The following SHOC2 variants were observed in gnomAD, a reference collection of about 807,000 sequenced individuals.
The protein encoded by SHOC2 is leucine-rich repeat protein SHOC-2.
A neutral mutation model predicts 50.2 loss-of-function variants in SHOC2; 4 were observed. The observed-to-expected ratio is 0.08, with a 90% CI of 0.04 to 0.18. The LOEUF (loss-of-function observed/expected upper bound fraction) is 0.18, where lower values mean the gene tolerates loss of function less well. Ranked by LOEUF, SHOC2 falls within the 10% of genes least tolerant of loss-of-function variation. The pLI, the probability that SHOC2 is intolerant of heterozygous loss-of-function variation, is 1.00. For synonymous variants in SHOC2, 218 were observed against 244.5 expected (o/e 0.89, Z 1.01); for missense variants, 388 against 669.6 (o/e 0.58, Z 4.64).
intron 1 of SHOC2, among the ~76,000 whole-genome samples, chr10:110,959,708 C>G (rs1292175329): frequency 6.6e-6 from 1 of 152,174 alleles, no homozygotes; most frequent in Non-Finnish European, 1.5e-5. Flanking sequence ...CCAGATGATT[C>G]TTGCTGAAAA....
intron 2 of SHOC2, among the ~76,000 whole-genome samples, chr10:110,979,960 A>G (rs989363367): frequency 5.3e-5 from 8 of 152,168 alleles, no homozygotes; most frequent in African/African-American, 1.9e-4. Context: ...GTTTGTTACT[A>G]GTTTGCCCAA....
intron 4 of SHOC2, 62 bp downstream of exon 4, chr10:111,000,607 C>T: frequency 7.0e-7 from 1 of 1,438,372 alleles, no homozygotes; most frequent in Non-Finnish European, 9.7e-7. Flanking sequence ...TCAAGGAAAG[C>T]TAGTAAATCT....
intron 1 of SHOC2, among the ~76,000 whole-genome samples, chr10:110,926,010 T>C (rs1243699382): frequency 2.6e-5 from 4 of 152,210 alleles, no homozygotes; most frequent in African/African-American, 9.7e-5. Flanking sequence ...TAAAACTATC[T>C]GGTGTCATCG....
intron 1 of SHOC2, among the ~76,000 whole-genome samples, chr10:110,954,356 G>C (rs1352429218): frequency 6.6e-6 from 1 of 152,054 alleles, no homozygotes; most frequent in East Asian, 1.9e-4. Flanking sequence ...AGAAGACTTG[G>C]TCATCTAGAA....
At chr10:110,954,501 A>T (rs987458249) in intron 1 of SHOC2, among the ~76,000 whole-genome samples, 2 of 142,910 alleles carry the variant, frequency 1.4e-5, no homozygotes, top group Non-Finnish European at 3.0e-5. Flanking sequence ...ATTAAAGTTT[A>T]AATGTTTTGT....
At position 111,011,838 on chromosome 10, in the gene SHOC2, C is replaced by T. The variant is rs371005619; in HGVS notation, c.*20C>T. On this transcript the variant is annotated 3_prime_UTR_variant, in exon 9 of 9. Transcript: ENST00000369452. ...GTCTGATATAAATCTGCTGGTCCCA[C>T]ACACTGTTCAAAAATAGACTGCCAT... The T allele has an allele frequency of 7.6e-6, 12 of 1,577,876 alleles. No individual in the cohort carries two copies. In the African/African-American group the frequency reaches 1.6e-4, roughly 21 times the overall value.
At chr10:110,926,702 AAGAAG>A (rs1458656047) in intron 1 of SHOC2, among the ~76,000 whole-genome samples, 2 of 152,208 alleles carry the variant, frequency 1.3e-5, no homozygotes, top group Non-Finnish European at 2.9e-5. Context: ...TAGGATCATG[AAGAAG>A]AGGTTATTGG....
At chr10:110,921,252 A>G (rs941197239) in intron 1 of SHOC2, among the ~76,000 whole-genome samples, 1 of 152,238 alleles carries the variant, frequency 6.6e-6, no homozygotes, top group Non-Finnish European at 1.5e-5. Context: ...AAGTATGCAA[A>G]TGACCATTCG....
chr10:111,006,923 A>C (rs993726997), intron 5 of SHOC2, among the ~76,000 whole-genome samples: 1 of 152,208 alleles, frequency 6.6e-6, no homozygotes, highest in Admixed American at 6.5e-5. Flanking sequence ...TTTTAAACCA[A>C]ATTAAGACCA....
chr10:110,968,134 A>T (rs372637835), intron 2 of SHOC2, among the ~76,000 whole-genome samples: 2 of 152,136 alleles, frequency 1.3e-5, no homozygotes, highest in South Asian at 4.1e-4. Flanking sequence ...CCTTGTTATT[A>T]TCCGTCTTTT....
At position 110,976,251 on chromosome 10, in the gene SHOC2, T is replaced by C. The variant is rs566896693; in HGVS notation, c.704-9377T>C. Among the ~76,000 whole-genome samples the C allele has an allele frequency of 7.9e-5, 12 of 152,232 alleles. No individual in the cohort carries two copies. The East Asian group carries it at 2.1e-3, about 27-fold the overall frequency. Reference sequence around the variant, plus strand: ...TGCCCAAAGAACGTCCGTTAACATATTGTAGTACAGGTCTGCTCAAAATGA... The same window carrying C: ...TGCCCAAAGAACGTCCGTTAACATACTGTAGTACAGGTCTGCTCAAAATGA... On this transcript the variant is annotated intron_variant, in intron 2 of 8. Coordinates refer to ENST00000369452, the MANE Select transcript of SHOC2 (RefSeq NM_007373.4).
intron 4 of SHOC2, among the ~76,000 whole-genome samples, chr10:111,003,632 C>G (rs1848419456): frequency 6.6e-6 from 1 of 152,052 alleles, no homozygotes; most frequent in Non-Finnish European, 1.5e-5. Context: ...AGTCAGGATT[C>G]AAAACAGTTT....
chr10:110,925,207 T>C (rs796755770), intron 1 of SHOC2, among the ~76,000 whole-genome samples: 11 of 152,102 alleles, frequency 7.2e-5, no homozygotes, highest in African/African-American at 2.6e-4. Context: ...TGTATAATCA[T>C]TTAAAATGTA....
intron 3 of SHOC2, among the ~76,000 whole-genome samples, chr10:110,987,053 C>G (rs980055577): frequency 2.6e-5 from 4 of 152,100 alleles, no homozygotes; most frequent in African/African-American, 9.7e-5. Flanking sequence ...CTAGAGTCCC[C>G]ACCCTTGGCA....
At chr10:110,936,715 CTCTT>C (rs1248675570) in intron 1 of SHOC2, 1 of 922,616 alleles carries the variant, frequency 1.1e-6, no homozygotes, top group Non-Finnish European at 1.7e-6. Context: ...GGCTTATGAG[CTCTT>C]TCTTCTTCCG....
chr10:111,010,456 TCTC>T (rs1848546138), intron 8 of SHOC2, among the ~76,000 whole-genome samples: 1 of 152,154 alleles, frequency 6.6e-6, no homozygotes. Flanking sequence ...CACCGCATGT[TCTC>T]CTCATAGGTG....
At chr10:111,009,897 A>G in intron 8 of SHOC2, 67 bp downstream of exon 8, 1 of 879,474 alleles carries the variant, frequency 1.1e-6, no homozygotes, top group Non-Finnish European at 1.9e-6. Flanking sequence ...GCAATATTTC[A>G]GATAAATATG....
chr10:110,937,852 A>G (rs968734208), intron 1 of SHOC2, among the ~76,000 whole-genome samples: 1 of 152,216 alleles, frequency 6.6e-6, no homozygotes, highest in African/African-American at 2.4e-5. Context: ...GAAACTAGTA[A>G]GTCTGCAATT....
At chr10:111,007,250 A>T (rs1848486402) in intron 5 of SHOC2, among the ~76,000 whole-genome samples, 1 of 152,178 alleles carries the variant, frequency 6.6e-6, no homozygotes, top group Non-Finnish European at 1.5e-5. Flanking sequence ...AGGATCTTTG[A>T]AATCTCCAGT....
Sources: allele counts gnomAD v4.1 joint callset (sites outside exome capture counted in the v4.1 genomes callset), GRCh38; gene constraint gnomAD v4.1.1; transcripts MANE v1.5; gene names NCBI Gene and HGNC (gene_info 2026-07-23, HGNC 2026-07-21).